The following ROBO2 variants were observed in gnomAD, a reference collection of about 807,000 sequenced individuals.
The protein encoded by ROBO2 is roundabout guidance receptor 2.
In ROBO2, 53 loss-of-function variants were observed where a neutral mutation model predicts 160.8. That is an observed-to-expected ratio of 0.33 (90% CI 0.26 to 0.41). ROBO2 has a LOEUF of 0.41. ROBO2 is among the 10% of genes least tolerant of loss of function. The probability of loss-of-function intolerance (pLI) is 1.00; values close to 1 mark genes in which losing one functional copy is unlikely to be tolerated. For missense variants in ROBO2, 1,577 were observed against 1,722.4 expected, an observed-to-expected ratio of 0.92 and a Z score of 1.49; for synonymous variants, 664 against 611.7, an observed-to-expected ratio of 1.09 and a Z score of -1.26.
intron 2 of ROBO2, among the ~76,000 whole-genome samples, chr3:76,248,630 T>C (rs1159362092): frequency 6.7e-6 from 1 of 149,590 alleles, no homozygotes; most frequent in African/African-American, 2.5e-5. Flanking sequence ...ACCCTAAAAC[T>C]TGAAGTATAA....
intron 2 of ROBO2, among the ~76,000 whole-genome samples, chr3:76,109,505 A>G (rs62268907): frequency 0.042 from 6,347 of 152,034 alleles, 264 homozygotes; most frequent in African/African-American, 0.1. Context: ...GACACCTTGG[A>G]GTCACCACTT....
Position 77,017,755 on chromosome 3 carries a change from T to C in ROBO2, c.110-80259T>C, listed in dbSNP as rs1349902598. ...TTTTTTAAAGTAATTTTTCTATTTT[T>C]TTTTTCTTGACCTGCACCCTAATTT... On this transcript the variant is annotated intron_variant, in intron 2 of 26. Transcript: ENST00000487694. Among the ~76,000 whole-genome samples the C allele has an allele frequency of 2.6e-5, 4 of 152,188 alleles. No homozygotes were observed. The East Asian group carries it at 7.7e-4, about 29-fold the overall frequency.
chr3:77,195,258 G>A (rs1241685667), intron 2 of ROBO2, among the ~76,000 whole-genome samples: 1 of 151,996 alleles, frequency 6.6e-6, no homozygotes, highest in Non-Finnish European at 1.5e-5. Flanking sequence ...ACAAAATGTA[G>A]AACATTTTAT....
intron 1 of ROBO2, among the ~76,000 whole-genome samples, chr3:77,073,638 T>C (rs1289343456): frequency 6.6e-6 from 1 of 152,222 alleles, no homozygotes; most frequent in East Asian, 1.9e-4. Context: ...AACTGGAACC[T>C]GGGGCCTTCC....
intron 2 of ROBO2, among the ~76,000 whole-genome samples, chr3:75,967,269 A>G (rs1949148729): frequency 6.6e-6 from 1 of 151,616 alleles, no homozygotes; most frequent in Non-Finnish European, 1.5e-5. Flanking sequence ...TTCATATCCC[A>G]GGACTTTTTT....
chr3:76,028,003 T>G lies in ROBO2; in HGVS notation c.109+90401T>G, dbSNP rs998019700. ...AATAGGATAGATTAATATGGCTAAA[T>G]GTCTTAGGCTATTGGCAAAAAGTGT... On this transcript the variant is annotated intron_variant, in intron 2 of 26. Coordinates refer to the ROBO2 transcript ENST00000487694. Among the ~76,000 whole-genome samples, 3 of 152,026 alleles carry G rather than the reference T, an allele frequency of 2.0e-5. No homozygotes were observed. In the East Asian group the frequency reaches 5.8e-4, roughly 29 times the overall value.
chr3:76,947,274 AC>A (rs1185656833), intron 2 of ROBO2, among the ~76,000 whole-genome samples: 4 of 152,200 alleles, frequency 2.6e-5, no homozygotes, highest in South Asian at 4.1e-4. Context: ...CTATAAAAAA[AC>A]ATTCAAACCA....
chr3:76,948,650 C>A (rs1354327294), intron 2 of ROBO2, among the ~76,000 whole-genome samples: 2 of 140,628 alleles, frequency 1.4e-5, no homozygotes, highest in South Asian at 4.4e-4. Context: ...TTGTGACTTC[C>A]CTTTTTAGTT....
At chr3:76,609,866 GT>G (rs1288576923) in intron 2 of ROBO2, among the ~76,000 whole-genome samples, 1 of 152,122 alleles carries the variant, frequency 6.6e-6, no homozygotes. Context: ...GTCACATGTG[GT>G]TTTTATATAC....
intron 5 of ROBO2, among the ~76,000 whole-genome samples, chr3:77,509,073 C>T (rs2089004053): frequency 6.6e-6 from 1 of 152,010 alleles, no homozygotes; most frequent in Non-Finnish European, 1.5e-5. Flanking sequence ...GTCTGGTTTA[C>T]ATATTATCTT....
At chr3:76,556,323 G>C (rs113752452) in intron 2 of ROBO2, among the ~76,000 whole-genome samples, 147 of 152,182 alleles carry the variant, frequency 9.7e-4, no homozygotes, top group African/African-American at 3.3e-3. Context: ...TTTCCTAGTA[G>C]CTCTGAAGCC....
intron 6 of ROBO2, among the ~76,000 whole-genome samples, chr3:77,523,638 C>T (rs966121925): frequency 2.0e-5 from 3 of 151,320 alleles, no homozygotes; most frequent in African/African-American, 7.3e-5. Context: ...ACTTGTTGAT[C>T]ACGTGAGGGA....
intron 2 of ROBO2, among the ~76,000 whole-genome samples, chr3:76,183,920 A>C (rs1263510011): frequency 1.3e-5 from 2 of 152,140 alleles, no homozygotes; most frequent in Non-Finnish European, 2.9e-5. Context: ...GTAGCAAGTA[A>C]ATTTTATTGT....
chr3:76,251,220 G>A (rs781444078), intron 2 of ROBO2, among the ~76,000 whole-genome samples: 9 of 151,786 alleles, frequency 5.9e-5, no homozygotes, highest in Non-Finnish European at 1.0e-4. Context: ...TTATTAACTG[G>A]ACTTGTGCTC....
At chr3:76,732,465 G>A (rs1489863457) in intron 2 of ROBO2, among the ~76,000 whole-genome samples, 1 of 152,134 alleles carries the variant, frequency 6.6e-6, no homozygotes, top group African/African-American at 2.4e-5. Flanking sequence ...TGGCAGGGTA[G>A]GAGGCAGCGT....
chr3:76,838,053 A>G (rs780503371), intron 2 of ROBO2, among the ~76,000 whole-genome samples: 3 of 152,108 alleles, frequency 2.0e-5, no homozygotes, highest in Non-Finnish European at 2.9e-5. Context: ...CCTAGCAGCC[A>G]TGAAAAAGAG....
At chr3:76,129,352 T>A (rs2071132553) in intron 2 of ROBO2, among the ~76,000 whole-genome samples, 1 of 152,208 alleles carries the variant, frequency 6.6e-6, no homozygotes, top group Admixed American at 6.5e-5. Flanking sequence ...GATTTTGCTT[T>A]GGTATTCATA....
chr3:76,843,930 A>G (rs2068536122), intron 2 of ROBO2, among the ~76,000 whole-genome samples: 1 of 152,054 alleles, frequency 6.6e-6, no homozygotes, highest in African/African-American at 2.4e-5. Context: ...AGAAAAGTTT[A>G]AAAAGCTGAT....
rs113111804 is a variant in ROBO2 at position 77,618,326 on chromosome 3, G to A, written c.3554+553G>A. 9.7e-3 allele frequency: 1,500 copies of A among 154,988 alleles called. 27 individuals are homozygous for A. Among genetic ancestry groups the A allele is most frequent in the African/African-American group, 0.034 (1,430 of 41,550 alleles). 9.6% of individuals were successfully genotyped at this position (154,988 alleles called of 1,614,324 possible). A position where few individuals can be genotyped will look rare whatever the true frequency, so the allele number is the denominator to read the frequency against. On this transcript the variant is annotated intron_variant, in intron 22 of 25. Transcript: ENST00000461745. The stretch of plus-strand genomic sequence containing the variant: ...AAAAAGACAATACTAGTATCAGTAA[G>A]TGCATAAAAAGCAGGAGTAAATCAA...
Sources: allele counts gnomAD v4.1 joint callset (sites outside exome capture counted in the v4.1 genomes callset), GRCh38; gene constraint gnomAD v4.1.1; transcripts MANE v1.5; gene names NCBI Gene and HGNC (gene_info 2026-07-23, HGNC 2026-07-21).